AKAP11: variants seen among roughly 807,000 people sequenced by gnomAD.
The protein encoded by AKAP11 is A-kinase anchor protein 11.
In AKAP11, 36 loss-of-function variants were observed where a neutral mutation model predicts 146.1. That is an observed-to-expected ratio of 0.25 (90% confidence interval 0.19 to 0.33). The LOEUF is 0.33. Ranked by LOEUF, AKAP11 falls within the 10% of genes least tolerant of loss-of-function variation. The pLI, the probability that AKAP11 is intolerant of heterozygous loss-of-function variation, is 1.00. For missense variants in AKAP11, 2,201 were observed against 2,197.0 expected, an observed-to-expected ratio of 1.00 and a Z score of -0.04; for synonymous variants, 780 against 786.5, an observed-to-expected ratio of 0.99 and a Z score of 0.14.
chr13:42,278,089 C>T (rs1422525802), intron 1 of AKAP11, among the ~76,000 whole-genome samples: 1 of 152,092 alleles, frequency 6.6e-6, no homozygotes. Flanking sequence ...TCCTACCATG[C>T]ATACACAGCC....
At chr13:42,271,647 G>C (rs866675692), upstream of AKAP11, among the ~76,000 whole-genome samples, 4 of 152,336 alleles carry the variant, frequency 2.6e-5, no homozygotes, top group East Asian at 7.7e-4. Context: ...CGAGGGAAAA[G>C]AGGCAGAGCC....
chr13:42,313,186 T>C (rs2138692111), intron 10 of AKAP11, 56 bp downstream of exon 10: 1 of 1,300,370 alleles, frequency 7.7e-7, no homozygotes, highest in Admixed American at 2.1e-5. Flanking sequence ...TAATGCATGA[T>C]GTCATATTCT....
Position 42,300,771 on chromosome 13 carries a change from G to T in AKAP11, c.2025G>T (p.Gln675His), listed in dbSNP as rs749777523. Reference sequence around the variant, plus strand: ...ATCCTCAAACGCCTGCATCTCCACAGTGTGGGTCGTTTGACTTTGAAGACA... The same window carrying T: ...ATCCTCAAACGCCTGCATCTCCACATTGTGGGTCGTTTGACTTTGAAGACA... ...FSYPQTPASP[Q>H]CGSFDFEDKV... The change falls in exon 8 of 13, where the codon CAG becomes CAT. Residue 675 changes from glutamine (Q) to histidine (H), a missense_variant. Coordinates refer to ENST00000025301, the MANE Select transcript of AKAP11 (RefSeq NM_016248.4). The T allele has an allele frequency of 3.1e-6, 5 of 1,614,126 alleles. No individual in the cohort carries two copies. The highest frequency in any genetic ancestry group is 4.2e-6 in the Non-Finnish European group (5 of 1,179,976).
rs751354255 is a variant in AKAP11 at position 42,300,964 on chromosome 13, G to T, written c.2218G>T (p.Val740Phe). ...AAGTGTAGTGCCATCGACACAGGCT[G>T]TCACGTTTTCCCCTTCTTTTCACAA... ...AESVVPSTQA[V>F]TFSPSFHNQA... Residue 740 changes from valine (V) to phenylalanine (F), a missense_variant, in exon 8 of 13, where the codon GTC becomes TTC. Val to Phe is a conservative substitution (Grantham distance 50, BLOSUM62 -1). Around this residue, in one of 3 missense-constraint regions of AKAP11, gnomAD observed 1,867 missense variants for 1,833.5 expected, o/e 1.02. Coordinates refer to ENST00000025301, the MANE Select transcript of AKAP11 (RefSeq NM_016248.4). 6.2e-7 allele frequency: 1 copy of T among 1,614,112 alleles called. No individual in the cohort carries two copies. The highest frequency in any genetic ancestry group is 1.7e-5 in the Admixed American group (1 of 60,016).
chr13:42,275,499 A>G (rs1444260440), intron 1 of AKAP11, among the ~76,000 whole-genome samples: 1 of 152,226 alleles, frequency 6.6e-6, no homozygotes, highest in African/African-American at 2.4e-5. Flanking sequence ...TGCTCCTTTT[A>G]AACTGGCCAT....
Position 42,301,114 on chromosome 13 carries a change from C to A in AKAP11, c.2368C>A (p.Leu790Ile). 6.2e-7 allele frequency: 1 copy of A among 1,614,072 alleles called. No individual in the cohort carries two copies. The highest frequency in any genetic ancestry group is 8.5e-7 in the Non-Finnish European group (1 of 1,179,950). Residue 790 changes from leucine to isoleucine, a missense_variant, in exon 8 of 13, where the codon CTC becomes ATC. Physicochemically the swap from Leu to Ile is conservative, Grantham distance 5. Transcript: ENST00000025301. Reference protein sequence around the residue: ...IPVPLAGSALLPYHISSTACQ... With the variant: ...IPVPLAGSALIPYHISSTACQ... ...GGTGCCCTTGGCAGGAAGTGCCCTTCTCCCATATCATATTTCATCTACTGC... is the reference window on the plus strand; with the variant it reads ...GGTGCCCTTGGCAGGAAGTGCCCTTATCCCATATCATATTTCATCTACTGC...
chr13:42,299,255 A>G (rs988775506), intron 7 of AKAP11, 108 bp from the exon 8 acceptor site: 2 of 879,010 alleles, frequency 2.3e-6, no homozygotes, highest in African/African-American at 3.4e-5. Flanking sequence ...AGTTTAGAAG[A>G]TACACATAAA....
In AKAP11 at chr13:42,301,012, C is replaced by A. The variant is rs747353631; in HGVS notation, c.2266C>A (p.Pro756Thr). Residue 756 changes from proline to threonine, a missense_variant, in exon 8 of 13, where the codon CCA (proline) becomes ACA (threonine). Pro to Thr is a conservative substitution (Grantham distance 38, BLOSUM62 -1). Transcript: ENST00000025301. ...FHNQAIMVTKPVQEYKKEYTV... is the reference protein window; with the variant it reads ...FHNQAIMVTKTVQEYKKEYTV... ...CAATCAAGCAATTATGGTGACAAAA[C>A]CAGTGCAGGAATATAAAAAGGAATA... The A allele has an allele frequency of 1.7e-5, 28 of 1,614,064 alleles. No individual in the cohort carries two copies. The highest frequency in any genetic ancestry group is 2.4e-5 in the Non-Finnish European group (28 of 1,179,950).
Position 42,319,272 on chromosome 13 carries a change from G to C in AKAP11, c.*44G>C. On this transcript the variant is annotated 3_prime_UTR_variant, in exon 13 of 13. Coordinates refer to ENST00000025301, the MANE Select transcript of AKAP11 (RefSeq NM_016248.4). ...ATATTTTAGTATTTGTTTGGGGAGG[G>C]GAACAAGCCAATAAAGATGTTTAGG... 1 of 1,590,444 alleles carries C rather than the reference G, an allele frequency of 6.3e-7. No homozygotes were observed. Among genetic ancestry groups the C allele is most frequent in the Non-Finnish European group, 8.5e-7 (1 of 1,170,186 alleles).
Position 42,311,792 on chromosome 13 carries a change from CT to C in AKAP11, c.5274-1253del, listed in dbSNP as rs202188086. Among the ~76,000 whole-genome samples the C allele has an allele frequency of 5.3e-5, 8 of 152,082 alleles. No homozygotes were observed. The East Asian group carries it at 1.5e-3, about 29-fold the overall frequency. On this transcript the variant is annotated intron_variant, in intron 9 of 12. Transcript: ENST00000025301. ...TGTCCATTCTTTGTTTGTATATTTT[CT>C]TATTTTTAGTTTATCTGACAATGAA...
Position 42,300,207 on chromosome 13 carries a change from C to A in AKAP11, c.1461C>A (p.Thr487=), listed in dbSNP as rs756745247. The change falls in exon 8 of 13, where the codon ACC becomes ACA. Residue 487 remains threonine (T), a synonymous_variant. Transcript: ENST00000025301. ...IHENHDSVYY[T]YEDYAKSISC... Reference sequence around the variant, plus strand: ...AAAATCATGATTCTGTTTATTACACCTATGAAGACTATGCAAAAAGCATTT... The same window carrying A: ...AAAATCATGATTCTGTTTATTACACATATGAAGACTATGCAAAAAGCATTT... 6.2e-7 allele frequency: 1 copy of A among 1,613,744 alleles called. No individual in the cohort carries two copies. Among genetic ancestry groups the A allele is most frequent in the African/African-American group, 1.3e-5 (1 of 74,880 alleles).
At chr13:42,292,537 A>C in intron 4 of AKAP11, 36 bp downstream of exon 4, 2 of 1,253,058 alleles carry the variant, frequency 1.6e-6, no homozygotes, top group Non-Finnish European at 2.3e-6. Context: ...TTTCCTAATA[A>C]TGCACAGCAT....
chr13:42,310,829 A>C (rs1960523661), intron 9 of AKAP11, among the ~76,000 whole-genome samples: 1 of 150,888 alleles, frequency 6.6e-6, no homozygotes, highest in Admixed American at 6.6e-5. Context: ...ACTGTACTCC[A>C]TCCTGGGCGA....
At position 42,302,860 on chromosome 13, in the gene AKAP11, G is replaced by A. The variant is rs114980445; in HGVS notation, c.4114G>A (p.Ala1372Thr). The change falls in exon 8 of 13, where the codon GCC becomes ACC. Residue 1372 changes from alanine to threonine, a missense_variant. Physicochemically the swap from Ala to Thr is moderately conservative, Grantham distance 58 (BLOSUM62 0). This residue lies in a region of AKAP11 where 1,867 missense variants were observed against 1,833.5 expected (regional missense o/e 1.02). Coordinates refer to ENST00000025301, the MANE Select transcript of AKAP11 (RefSeq NM_016248.4). ...LIMDQYANRL[A>T]YRSVKSGLQE... ...AATGGATCAGTATGCCAATAGGCTT[G>A]CCTACCGATCTGTTAAATCAGGATT... 1.0e-3 allele frequency: 1,659 copies of A among 1,614,030 alleles called. 8 individuals carry two copies. The African/African-American group carries it at 0.019, about 18-fold the overall frequency.
intron 6 of AKAP11, 39 bp from the exon 7 acceptor site, chr13:42,298,494 A>G: frequency 6.3e-7 from 1 of 1,591,872 alleles, no homozygotes; most frequent in Non-Finnish European, 8.5e-7. Flanking sequence ...TTTGTATTTG[A>G]AATTAAAATT....
Position 42,301,868 on chromosome 13 carries a change from A to G in AKAP11, c.3122A>G (p.Lys1041Arg), listed in dbSNP as rs1241053419. The G allele has an allele frequency of 1.9e-6, 3 of 1,614,060 alleles. No individual in the cohort carries two copies. Among genetic ancestry groups the G allele is most frequent in the Non-Finnish European group, 2.5e-6 (3 of 1,180,018 alleles). The stretch of plus-strand genomic sequence containing the variant: ...AAATCTGACTTGAAGGAATCTGCTA[A>G]GGATCAACCACTGAAAAAGCATAAC... ...GQKSDLKESA[K>R]DQPLKKHNLN... The change falls in exon 8 of 13, where the codon AAG (lysine) becomes AGG (arginine). Residue 1041 changes from lysine (K) to arginine (R), a missense_variant. This residue lies in a region of AKAP11 where 1,867 missense variants were observed against 1,833.5 expected (regional missense o/e 1.02). Coordinates refer to ENST00000025301, the MANE Select transcript of AKAP11 (RefSeq NM_016248.4).
chr13:42,276,432 GGT>G (rs1338581698), intron 1 of AKAP11, among the ~76,000 whole-genome samples: 1 of 152,080 alleles, frequency 6.6e-6, no homozygotes. Context: ...TTTTTTTAGA[GGT>G]GGGGTTTCAC....
At chr13:42,299,293 C>A in intron 7 of AKAP11, 70 bp from the exon 8 acceptor site, 3 of 1,322,068 alleles carry the variant, frequency 2.3e-6, no homozygotes, top group Non-Finnish European at 3.1e-6. Flanking sequence ...CAGTTTATTC[C>A]ATGGATTTAA....
At chr13:42,306,120 C>T (rs540210120) in intron 8 of AKAP11, among the ~76,000 whole-genome samples, 11 of 152,240 alleles carry the variant, frequency 7.2e-5, no homozygotes, top group South Asian at 4.1e-4. Context: ...AAAACAATTG[C>T]GAACCTCTGT....
Sources: allele counts gnomAD v4.1 joint callset (sites outside exome capture counted in the v4.1 genomes callset), GRCh38; gene constraint gnomAD v4.1.1; regional missense constraint gnomAD v4.1.1; transcripts MANE v1.5; gene names NCBI Gene and HGNC (gene_info 2026-07-23, HGNC 2026-07-21).